UBR1: variants seen among roughly 807,000 people sequenced by gnomAD.
The protein encoded by UBR1 is E3 ubiquitin-protein ligase UBR1.
Under a neutral mutation model 242.1 loss-of-function variants are expected in UBR1, and 102 were observed. That is an observed-to-expected ratio of 0.42 (90% CI 0.36 to 0.50). UBR1 has a LOEUF of 0.50. Ranked by LOEUF, UBR1 falls within the 20% of genes least tolerant of loss-of-function variation. The pLI, the probability that UBR1 is intolerant of heterozygous loss-of-function variation, is 0.01. For synonymous variants in UBR1, 675 were observed against 684.8 expected (o/e 0.99, Z 0.22); for missense variants, 1,772 against 2,101.8 (o/e 0.84, Z 3.07).
intron 16 of UBR1, 37 bp downstream of exon 16, chr15:43,038,134 G>T: frequency 1.2e-6 from 2 of 1,604,822 alleles, no homozygotes; most frequent in South Asian, 2.2e-5. Flanking sequence ...TTCAGAAACA[G>T]AATATAAGCA....
chr15:43,004,873 C>A (rs935002176), intron 30 of UBR1, among the ~76,000 whole-genome samples: 2 of 151,472 alleles, frequency 1.3e-5, no homozygotes, highest in Non-Finnish European at 2.9e-5. Context: ...CTCTGCCCAG[C>A]CGCCCAGTCT....
chr15:42,964,581 T>G (rs1036445285), intron 41 of UBR1, among the ~76,000 whole-genome samples: 10 of 152,220 alleles, frequency 6.6e-5, no homozygotes, highest in African/African-American at 2.2e-4. Context: ...CGGATGGCTC[T>G]AATGTGTAAC....
rs749595417 is a variant in UBR1, at chr15:43,036,197, G to A, written c.2171C>T (p.Thr724Ile). 1.2e-5 allele frequency: 20 copies of A among 1,613,088 alleles called. No homozygotes were observed. The South Asian group carries it at 2.0e-4, about 16-fold the overall frequency. Residue 724 changes from threonine (T) to isoleucine (I), a missense_variant, in exon 19 of 47, where the codon ACC becomes ATC. Transcript: ENST00000290650. Reference sequence around the variant, plus strand: ...GTATACCTGGTCTTTTGTAGATATGGTCTTGTTAAAAGCCTCGGCAAGTTC... The same window carrying A: ...GTATACCTGGTCTTTTGTAGATATGATCTTGTTAAAAGCCTCGGCAAGTTC... The part of the protein sequence containing the change: ...RYELAEAFNK[T>I]ISTKDQDLIK...
chr15:43,063,730 T>A (rs200785390), intron 6 of UBR1, among the ~76,000 whole-genome samples: 5 of 141,662 alleles, frequency 3.5e-5, no homozygotes, highest in Non-Finnish European at 7.8e-5. Flanking sequence ...TTTTTTTTTT[T>A]AATTATTATT....
At chr15:43,062,458 T>A (rs576039569) in intron 6 of UBR1, among the ~76,000 whole-genome samples, 1 of 152,032 alleles carries the variant, frequency 6.6e-6, no homozygotes, top group Non-Finnish European at 1.5e-5. Flanking sequence ...AAAGGGGGAA[T>A]TGTTCAATGG....
At position 43,062,383 on chromosome 15, in the gene UBR1, A is replaced by T. The variant is rs184468849; in HGVS notation, c.799-2269T>A. Among the ~76,000 whole-genome samples the T allele has an allele frequency of 3.0e-4, 46 of 152,276 alleles. No homozygotes were observed. In the East Asian group the frequency reaches 7.7e-3, roughly 26 times the overall value. ...TACTGCATGATCTCATTTGTATGAGATATCTAAAATAGTCAAGCTCTTAGA... is the reference window on the plus strand; with the variant it reads ...TACTGCATGATCTCATTTGTATGAGTTATCTAAAATAGTCAAGCTCTTAGA... On this transcript the variant is annotated intron_variant, in intron 6 of 46. Transcript: ENST00000290650.
intron 45 of UBR1, chr15:42,950,575 A>G: frequency 1.8e-6 from 1 of 566,846 alleles, no homozygotes. Context: ...GAAAAGGAGC[A>G]GTGGATTTGG....
intron 29 of UBR1, among the ~76,000 whole-genome samples, chr15:43,010,023 C>T (rs2032895860): frequency 6.6e-6 from 1 of 152,196 alleles, no homozygotes; most frequent in Non-Finnish European, 1.5e-5. Context: ...AGGCACCTGC[C>T]ACCATGCCCA....
At chr15:42,961,112 CTT>C (rs1308464766) in intron 42 of UBR1, among the ~76,000 whole-genome samples, 30 of 141,212 alleles carry the variant, frequency 2.1e-4, no homozygotes, top group Non-Finnish European at 2.6e-4. Flanking sequence ...TATGTTCCCC[CTT>C]TTTTTTTTTT....
At chr15:42,970,989 A>AC (rs1491260913) in intron 39 of UBR1, among the ~76,000 whole-genome samples, 3 of 152,244 alleles carry the variant, frequency 2.0e-5, no homozygotes, top group African/African-American at 7.2e-5. Flanking sequence ...TGCTGGAATT[A>AC]CAGACATAAG....
chr15:43,069,301 C>T (rs1468791705), intron 5 of UBR1, among the ~76,000 whole-genome samples: 3 of 148,706 alleles, frequency 2.0e-5, no homozygotes, highest in Admixed American at 6.7e-5. Flanking sequence ...TTTTTTGAGA[C>T]GGTCTCGCTC....
intron 2 of UBR1, among the ~76,000 whole-genome samples, chr15:43,083,530 G>A (rs539511170): frequency 1.3e-5 from 2 of 151,816 alleles, no homozygotes; most frequent in East Asian, 3.9e-4. Flanking sequence ...ACAGGCATGC[G>A]CCACCACGCC....
At position 43,054,874 on chromosome 15, in the gene UBR1, T is replaced by C; in HGVS notation, c.1307A>G (p.Asn436Ser). The C allele has an allele frequency of 1.9e-6, 3 of 1,614,168 alleles. No homozygotes were observed. Among genetic ancestry groups the C allele is most frequent in the Non-Finnish European group, 2.5e-6 (3 of 1,180,016 alleles). The change falls in exon 12 of 47, where the codon AAT becomes AGT. Residue 436 changes from asparagine to serine, a missense_variant. Asn to Ser is a conservative substitution (Grantham distance 46, BLOSUM62 1). Transcript: ENST00000290650. ...AGTTTCAGTAATGACAGAGATAACA[T>C]TCTGCTCTTCAATAAGATGTCGAGC... ...TLARHLIEEQ[N>S]VISVITETLL...
intron 1 of UBR1, among the ~76,000 whole-genome samples, chr15:43,089,291 G>C (rs1365413163): frequency 6.6e-6 from 1 of 152,164 alleles, no homozygotes; most frequent in Non-Finnish European, 1.5e-5. Flanking sequence ...AGGAGATCAA[G>C]ACCATCCTCA....
At chr15:42,961,054 C>G (rs1221478044) in intron 42 of UBR1, among the ~76,000 whole-genome samples, 2 of 151,768 alleles carry the variant, frequency 1.3e-5, no homozygotes, top group Non-Finnish European at 2.9e-5. Context: ...GCCACTGTGC[C>G]CAGCCTTGCC....
rs58586323 is a variant in UBR1, at chr15:43,091,906, CAAAAAAA to C, written c.82-5673_82-5667del. ...GAGATCATGCCACTGTACACCATCT[CAAAAAAA>C]AAAAAAAAAAAAAAAAAAAAAAATT... On this transcript the variant is annotated intron_variant, in intron 1 of 46. Transcript: ENST00000290650. The C allele has an allele frequency of 4.2e-3, 751 of 179,926 alleles. 2 individuals are homozygous for C. Among genetic ancestry groups the C allele is most frequent in the Middle Eastern group, 9.8e-3 (5 of 512 alleles). 11.1% of individuals were successfully genotyped at this position (179,926 alleles called of 1,614,324 possible).
intron 1 of UBR1, among the ~76,000 whole-genome samples, chr15:43,089,770 A>C (rs2034086079): frequency 6.6e-6 from 1 of 152,172 alleles, no homozygotes; most frequent in East Asian, 1.9e-4. Flanking sequence ...CAAAATGTAT[A>C]ATCTAATTCC....
chr15:43,078,005 A>G (rs2033928512), intron 3 of UBR1, among the ~76,000 whole-genome samples: 1 of 152,208 alleles, frequency 6.6e-6, no homozygotes, highest in South Asian at 2.1e-4. Flanking sequence ...ACGTACTCCA[A>G]AGGAATTCCC....
intron 25 of UBR1, among the ~76,000 whole-genome samples, chr15:43,024,282 TATAA>T (rs2033149978): frequency 6.6e-6 from 1 of 152,202 alleles, no homozygotes; most frequent in African/African-American, 2.4e-5. Context: ...GTTAGGCAGG[TATAA>T]ATAAATATGG....
Sources: allele counts gnomAD v4.1 joint callset (sites outside exome capture counted in the v4.1 genomes callset), GRCh38; gene constraint gnomAD v4.1.1; transcripts MANE v1.5; gene names NCBI Gene and HGNC (gene_info 2026-07-23, HGNC 2026-07-21).